The following IL1RAPL1 variants were observed in gnomAD, a reference collection of about 807,000 sequenced individuals.
The protein encoded by IL1RAPL1 is interleukin 1 receptor accessory protein like 1.
IL1RAPL1 carries 3 observed loss-of-function variants against 48.4 expected under a neutral mutation model. The observed-to-expected ratio is 0.06, with a 90% CI of 0.03 to 0.16. The LOEUF is 0.16. Among genes scored for constraint, IL1RAPL1 ranks in the 10% least tolerant of loss-of-function variants. IL1RAPL1 has a pLI of 1.00. For missense variants in IL1RAPL1, 349 were observed against 530.6 expected, an observed-to-expected ratio of 0.66 and a Z score of 3.36; for synonymous variants, 185 against 187.7, an observed-to-expected ratio of 0.99 and a Z score of 0.12.
Position 28,779,057 on chromosome X carries a change from C to T in IL1RAPL1, c.-24-10263C>T, listed in dbSNP as rs145952379. 1.8e-4 allele frequency among the ~76,000 whole-genome samples: 20 copies of T among 111,701 alleles called. 1 individual carries two copies. The South Asian group carries it at 4.1e-3, about 23-fold the overall frequency. On this transcript the variant is annotated intron_variant, in intron 1 of 10. Coordinates refer to ENST00000378993, the MANE Select transcript of IL1RAPL1 (RefSeq NM_014271.4). ...CAAGTTTGCATAGCTAGTAAGAAGT[C>T]GAGCTGGGTTTCATATACAAGGACT... is the stretch of plus-strand genomic sequence containing the variant.
intron 2 of IL1RAPL1, among the ~76,000 whole-genome samples, chrX:28,840,879 A>T (rs186446913): frequency 2.7e-5 from 3 of 110,766 alleles, no homozygotes; most frequent in Non-Finnish European, 5.7e-5. Flanking sequence ...AATCATCTTA[A>T]CAGCAACAAG....
At chrX:29,045,939 T>TCCTCCTCCTCCTCCTC (rs1926952995) in intron 2 of IL1RAPL1, among the ~76,000 whole-genome samples, 1 of 36,637 alleles carries the variant, frequency 2.7e-5, no homozygotes, top group African/African-American at 2.9e-4. Context: ...TCCTCCTCCT[T>TCCTCCTCCTCCTCCTC]CTTCCTCCTC....
intron 5 of IL1RAPL1, among the ~76,000 whole-genome samples, chrX:29,547,277 C>T (rs1450808928): frequency 9.0e-6 from 1 of 111,148 alleles, no homozygotes; most frequent in African/African-American, 3.3e-5. Flanking sequence ...TATGTTTTAA[C>T]TCTGCTTCCT....
chrX:28,745,091 G>T (rs775758732), intron 1 of IL1RAPL1, among the ~76,000 whole-genome samples: 3 of 111,585 alleles, frequency 2.7e-5, no homozygotes, highest in Non-Finnish European at 3.8e-5. Flanking sequence ...ACTTGAAATG[G>T]AGAGATTATT....
intron 2 of IL1RAPL1, among the ~76,000 whole-genome samples, chrX:28,964,046 TTA>T (rs1924857282): frequency 8.9e-6 from 1 of 111,786 alleles, no homozygotes; most frequent in Admixed American, 9.6e-5. Context: ...AGGAAATTGT[TTA>T]TGAGTGTATA....
rs147305642 is a variant in IL1RAPL1 at position 29,712,852 on chromosome X, T to C, written c.778+44348T>C. On this transcript the variant is annotated intron_variant, in intron 6 of 10. Transcript: ENST00000378993. ...AATGGATTGAAGGGCTAGAAGATATTACACTGAAAAGATAAATCTGGTGCA... is the reference window on the plus strand; with the variant it reads ...AATGGATTGAAGGGCTAGAAGATATCACACTGAAAAGATAAATCTGGTGCA... Among the ~76,000 whole-genome samples the C allele has an allele frequency of 8.1e-3, 909 of 112,313 alleles. 7 individuals are homozygous for C. Among genetic ancestry groups the C allele is most frequent in the African/African-American group, 0.028 (868 of 30,969 alleles).
intron 2 of IL1RAPL1, among the ~76,000 whole-genome samples, chrX:28,921,425 A>T (rs1923614062): frequency 8.9e-6 from 1 of 112,174 alleles, no homozygotes; most frequent in Non-Finnish European, 1.9e-5. Context: ...TTGCAAAATT[A>T]AACTCAAAAA....
chrX:29,108,036 A>G (rs1569238400), intron 2 of IL1RAPL1, among the ~76,000 whole-genome samples: 1 of 112,045 alleles, frequency 8.9e-6, no homozygotes, highest in Non-Finnish European at 1.9e-5. Context: ...GCACATAGGT[A>G]GCTCAATAAA....
At chrX:29,925,422 T>G (rs961766207) in intron 8 of IL1RAPL1, among the ~76,000 whole-genome samples, 17 of 20,431 alleles carry the variant, frequency 8.3e-4, no homozygotes, top group African/African-American at 2.3e-3. Context: ...GTTTTTTTTT[T>G]TTTTTTTTTT....
At chrX:29,197,961 G>A (rs906335211) in intron 2 of IL1RAPL1, among the ~76,000 whole-genome samples, 23 of 110,739 alleles carry the variant, frequency 2.1e-4, no homozygotes, top group African/African-American at 6.2e-4. Context: ...CACCGGTCTC[G>A]GCCTCCCAAA....
chrX:28,741,034 G>GT (rs1038271343), intron 1 of IL1RAPL1, among the ~76,000 whole-genome samples: 3 of 111,445 alleles, frequency 2.7e-5, no homozygotes, highest in East Asian at 2.8e-4. Flanking sequence ...ATTGAACAAT[G>GT]TTTTTTTTCT....
At chrX:29,772,934 C>T (rs1006432568) in intron 6 of IL1RAPL1, among the ~76,000 whole-genome samples, 9 of 110,549 alleles carry the variant, frequency 8.1e-5, no homozygotes, top group Middle Eastern at 4.3e-3. Flanking sequence ...AGCTTTACCC[C>T]TTGCCACCTA....
At chrX:28,793,671 A>G (rs1936579226) in intron 2 of IL1RAPL1, among the ~76,000 whole-genome samples, 1 of 111,272 alleles carries the variant, frequency 9.0e-6, no homozygotes, top group Admixed American at 9.7e-5. Flanking sequence ...AAATAGTATA[A>G]ATAGTTGAAG....
At chrX:28,835,507 C>T (rs1490379856) in intron 2 of IL1RAPL1, among the ~76,000 whole-genome samples, 1 of 110,856 alleles carries the variant, frequency 9.0e-6, no homozygotes, top group African/African-American at 3.3e-5. Context: ...CTAATCAGAA[C>T]ATAAGATCTG....
intron 3 of IL1RAPL1, among the ~76,000 whole-genome samples, chrX:29,378,213 C>G (rs765754316): frequency 9.0e-6 from 1 of 111,460 alleles, no homozygotes; most frequent in South Asian, 3.7e-4. Context: ...TTTTTCAGCT[C>G]TAGAAATTCA....
At position 28,747,358 on chromosome X, in the gene IL1RAPL1, G is replaced by A. The variant is rs373406639; in HGVS notation, c.-24-41962G>A. On this transcript the variant is annotated intron_variant, in intron 1 of 10. Coordinates refer to ENST00000378993, the MANE Select transcript of IL1RAPL1 (RefSeq NM_014271.4). Reference sequence around the variant, plus strand: ...CTTGAATAACAGTTCAGCAGGGGCCGGGCGCAGTGGCTCTTGCCTGTAATC... The same window carrying A: ...CTTGAATAACAGTTCAGCAGGGGCCAGGCGCAGTGGCTCTTGCCTGTAATC... Among the ~76,000 whole-genome samples, 6 of 111,717 alleles carry A rather than the reference G, an allele frequency of 5.4e-5. No individual in the cohort carries two copies. The East Asian group carries it at 1.4e-3, about 26-fold the overall frequency.
At chrX:29,454,203 G>A (rs1765297179) in intron 5 of IL1RAPL1, among the ~76,000 whole-genome samples, 1 of 112,229 alleles carries the variant, frequency 8.9e-6, no homozygotes, top group South Asian at 3.7e-4. Context: ...AGAAAAGTGT[G>A]GTTAGATAAG....
chrX:29,871,437 C>T (rs1369167431), intron 6 of IL1RAPL1, among the ~76,000 whole-genome samples: 1 of 112,118 alleles, frequency 8.9e-6, no homozygotes, highest in Non-Finnish European at 1.9e-5. Context: ...TTTTGATATG[C>T]AACACAGCAA....
chrX:29,637,067 A>AAG (rs1311319192), intron 5 of IL1RAPL1, among the ~76,000 whole-genome samples: 36 of 108,689 alleles, frequency 3.3e-4, no homozygotes, highest in Middle Eastern at 4.8e-3. Context: ...AAAAAAAAAA[A>AAG]AAATTTAGGA....
Sources: gnomAD v4.1 joint callset for allele counts (sites outside exome capture counted in the v4.1 genomes callset) on GRCh38, gnomAD v4.1.1 for gene constraint, MANE v1.5 for transcripts, NCBI Gene and HGNC (gene_info 2026-07-23, HGNC 2026-07-21) for gene names.